Variants in FUT8 observed in about 807,000 individuals in gnomAD.
The protein encoded by FUT8 is fucosyltransferase 8.
Under a neutral mutation model 71.3 loss-of-function variants are expected in FUT8, and 29 were observed. The observed-to-expected ratio is 0.41, with a 90% CI of 0.30 to 0.55. The LOEUF (loss-of-function observed/expected upper bound fraction) is 0.55. Ranked by LOEUF, FUT8 falls within the 20% of genes least tolerant of loss-of-function variation. The pLI, the probability that FUT8 is intolerant of heterozygous loss-of-function variation, is 0.34. For synonymous variants in FUT8, 254 were observed against 239.3 expected (o/e 1.06, Z -0.57); for missense variants, 544 against 702.1 (o/e 0.77, Z 2.55).
chr14:65,489,937 A>G lies in FUT8; in HGVS notation c.-228+34219A>G, dbSNP rs1489931775. ...AAGGAAGAAAAAGCTTCTTGCATTT[A>G]TATAACAATTCTTAATCTATTAGTT... On this transcript the variant is annotated intron_variant, in intron 2 of 10. Coordinates refer to ENST00000673929, the MANE Select transcript of FUT8 (RefSeq NM_001371533.1). The surrounding 1 kb of genome is among the most constrained non-coding windows in gnomAD (Gnocchi z 4.0). Among the ~76,000 whole-genome samples, 2 of 152,162 alleles carry G rather than the reference A, an allele frequency of 1.3e-5. No homozygotes were observed. The highest frequency in any genetic ancestry group is 6.5e-5 in the Admixed American group (1 of 15,278).
At chr14:65,545,069 A>G (rs1182252337) in intron 2 of FUT8, among the ~76,000 whole-genome samples, 1 of 151,614 alleles carries the variant, frequency 6.6e-6, no homozygotes, top group Non-Finnish European at 1.5e-5. Context: ...GTTTTACCAA[A>G]TGCTTTTACA....
intron 3 of FUT8, among the ~76,000 whole-genome samples, chr14:65,602,148 T>G (rs1341056393): frequency 6.6e-6 from 1 of 151,138 alleles, no homozygotes; most frequent in Non-Finnish European, 1.5e-5. Flanking sequence ...TTCCCCCGAG[T>G]CCCCAAAGTC....
intron 7 of FUT8, among the ~76,000 whole-genome samples, chr14:65,703,550 G>GT (rs1894418399): frequency 6.6e-6 from 1 of 152,236 alleles, no homozygotes; most frequent in Admixed American, 6.5e-5. Context: ...GGAGAGTGGA[G>GT]TGACCTATGT....
chr14:65,702,169 A>G (rs1377853007), intron 7 of FUT8, among the ~76,000 whole-genome samples: 3 of 152,072 alleles, frequency 2.0e-5, no homozygotes, highest in African/African-American at 7.2e-5. Context: ...AACATGGAGA[A>G]ACCCTGTCTG....
intron 3 of FUT8, among the ~76,000 whole-genome samples, chr14:65,601,837 T>C (rs56206812): frequency 0.018 from 2,691 of 152,304 alleles, 38 homozygotes; most frequent in Non-Finnish European, 0.025. Flanking sequence ...AATATATATG[T>C]AAAGCTCAGA....
rs1890964327 is a variant in FUT8 at position 65,643,665 on chromosome 14, T to TAGAC, written c.597+14060_597+14061insGACA. ...CGAGACTCCGTCTTTAAAAAAAAAA[T>TAGAC]ACACACACACACACACACACACACA... On this transcript the variant is annotated intron_variant, in intron 6 of 10. Transcript: ENST00000673929. The surrounding 1 kb of genome is among the most constrained non-coding windows in gnomAD (Gnocchi z 4.5). Among the ~76,000 whole-genome samples, 1 of 124,712 alleles carries TAGAC rather than the reference T, an allele frequency of 8.0e-6. No individual in the cohort carries two copies. The highest frequency in any genetic ancestry group is 8.1e-5 in the Admixed American group (1 of 12,290). 81.8% of individuals were successfully genotyped at this position (124,712 alleles called of 152,430 possible). A position where few individuals can be genotyped will look rare whatever the true frequency, so the allele number is the denominator to read the frequency against.
intron 1 of FUT8, among the ~76,000 whole-genome samples, chr14:65,428,763 G>A (rs916042470): frequency 1.3e-5 from 2 of 152,188 alleles, no homozygotes; most frequent in African/African-American, 4.8e-5. Flanking sequence ...ATTCTGTGAG[G>A]TAGAGCTTCA....
At chr14:65,438,052 A>T (rs1292400811) in intron 1 of FUT8, among the ~76,000 whole-genome samples, 6 of 152,208 alleles carry the variant, frequency 3.9e-5, no homozygotes, top group Non-Finnish European at 7.3e-5. Flanking sequence ...TTTACTTCTC[A>T]TATGGGCTTT....
rs1345274434 is a variant in FUT8, at chr14:65,695,210, A to T, written c.835+25730A>T. Among the ~76,000 whole-genome samples, 3 of 152,292 alleles carry T rather than the reference A, an allele frequency of 2.0e-5. No individual in the cohort carries two copies. In the East Asian group the frequency reaches 5.8e-4, roughly 29 times the overall value. ...TGCTGCTCAGTTCAACTGTGTCTTTACCAATATTCTCCCTGCTGGTTATGT... is the reference window on the plus strand; with the variant it reads ...TGCTGCTCAGTTCAACTGTGTCTTTTCCAATATTCTCCCTGCTGGTTATGT... On this transcript the variant is annotated intron_variant, in intron 7 of 10. Coordinates refer to ENST00000673929, the MANE Select transcript of FUT8 (RefSeq NM_001371533.1).
chr14:65,505,898 T>A (rs2066725977), intron 2 of FUT8, among the ~76,000 whole-genome samples: 1 of 152,172 alleles, frequency 6.6e-6, no homozygotes, highest in Middle Eastern at 3.2e-3. Context: ...GGAAAACTTA[T>A]TTGTCCAACT....
At chr14:65,562,719 T>A (rs568022470) in intron 3 of FUT8, among the ~76,000 whole-genome samples, 1 of 152,134 alleles carries the variant, frequency 6.6e-6, no homozygotes, top group Non-Finnish European at 1.5e-5. Context: ...GAGCTGAAAG[T>A]TCATTTCTCT....
At chr14:65,566,379 T>G (rs1886194782) in intron 3 of FUT8, among the ~76,000 whole-genome samples, 1 of 152,002 alleles carries the variant, frequency 6.6e-6, no homozygotes, top group Non-Finnish European at 1.5e-5. Flanking sequence ...TTGATGGAAC[T>G]ACAAAGAATG....
At chr14:65,426,532 G>A (rs188015180) in intron 1 of FUT8, among the ~76,000 whole-genome samples, 1 of 152,208 alleles carries the variant, frequency 6.6e-6, no homozygotes, top group East Asian at 1.9e-4. Flanking sequence ...TGGATTATAT[G>A]GGGAGGCTTA....
At chr14:65,427,869 C>T (rs1005003572) in intron 1 of FUT8, among the ~76,000 whole-genome samples, 1 of 152,194 alleles carries the variant, frequency 6.6e-6, no homozygotes, top group Non-Finnish European at 1.5e-5. Context: ...AACCACTGAT[C>T]TGCTTTTTGT....
At chr14:65,528,556 C>CTGCATCCACTGTCT (rs1452713614) in intron 2 of FUT8, among the ~76,000 whole-genome samples, 1 of 152,172 alleles carries the variant, frequency 6.6e-6, no homozygotes, top group Admixed American at 6.5e-5. Context: ...ACCCACTGTC[C>CTGCATCCACTGTCT]TGCATCCACT....
chr14:65,635,438 A>G (rs1278868655), intron 6 of FUT8, among the ~76,000 whole-genome samples: 3 of 152,066 alleles, frequency 2.0e-5, no homozygotes, highest in Non-Finnish European at 4.4e-5. Flanking sequence ...GAATGCTTTC[A>G]ACTTTTCCCC....
chr14:65,606,460 GA>G (rs1413049711), intron 3 of FUT8, among the ~76,000 whole-genome samples: 2 of 151,608 alleles, frequency 1.3e-5, no homozygotes, highest in Admixed American at 6.6e-5. Context: ...TCTTATTTAA[GA>G]AATTCTTTTC....
intron 3 of FUT8, among the ~76,000 whole-genome samples, chr14:65,602,705 T>C (rs1005071748): frequency 2.6e-5 from 4 of 151,874 alleles, no homozygotes; most frequent in African/African-American, 7.2e-5. Flanking sequence ...TTTTTGACAA[T>C]GGCCATTCTT....
chr14:65,717,744 C>G (rs1895197867), intron 7 of FUT8, among the ~76,000 whole-genome samples: 1 of 146,548 alleles, frequency 6.8e-6, no homozygotes, highest in African/African-American at 2.5e-5. Context: ...CCTCACCTCT[C>G]AGACGGGGCG....
Sources: gnomAD v4.1 joint callset for allele counts (sites outside exome capture counted in the v4.1 genomes callset) on GRCh38, gnomAD v4.1.1 for gene constraint, Gnocchi (gnomAD v3.1) non-coding constraint, MANE v1.5 for transcripts, NCBI Gene and HGNC (gene_info 2026-07-23, HGNC 2026-07-21) for gene names.